GRIN2B: variants seen among roughly 807,000 people sequenced by gnomAD.
GRIN2B encodes glutamate receptor ionotropic, NMDA 2B.
Under a neutral mutation model 114.5 loss-of-function variants are expected in GRIN2B, and 5 were observed. That is an observed-to-expected ratio of 0.04 (90% CI 0.02 to 0.09). The LOEUF (loss-of-function observed/expected upper bound fraction) is 0.09, where lower values mean the gene tolerates loss of function less well. Among genes scored for constraint, GRIN2B ranks in the 10% least tolerant of loss-of-function variants. The pLI is 1.00. For missense variants in GRIN2B, 1,108 were observed against 1,943.5 expected (o/e 0.57, Z 8.08); for synonymous variants, 787 against 745.1 (o/e 1.06, Z -0.92).
intron 2 of GRIN2B, among the ~76,000 whole-genome samples, chr12:13,930,059 C>T (rs1019029845): frequency 6.6e-6 from 1 of 152,104 alleles, no homozygotes; most frequent in African/African-American, 2.4e-5. Flanking sequence ...TGGCACGCAC[C>T]TGCAGTCCCA....
At chr12:13,772,607 A>G (rs1349226993) in intron 3 of GRIN2B, among the ~76,000 whole-genome samples, 1 of 152,212 alleles carries the variant, frequency 6.6e-6, no homozygotes, top group Non-Finnish European at 1.5e-5. Context: ...AAATAATGCA[A>G]AGTAATTCCT....
At chr12:13,678,758 C>T (rs902368628) in intron 4 of GRIN2B, among the ~76,000 whole-genome samples, 1 of 152,056 alleles carries the variant, frequency 6.6e-6, no homozygotes. Context: ...AACACTCCAA[C>T]CAAAGGCCCT....
intron 3 of GRIN2B, among the ~76,000 whole-genome samples, chr12:13,755,934 T>A (rs1270219283): frequency 2.6e-5 from 4 of 152,212 alleles, no homozygotes; most frequent in Admixed American, 2.0e-4. Context: ...TCTCTATGAG[T>A]CAGGGCATGA....
At chr12:13,752,565 G>A (rs7964999) in intron 4 of GRIN2B, among the ~76,000 whole-genome samples, 3,168 of 152,086 alleles carry the variant, frequency 0.021, 94 homozygotes, top group African/African-American at 0.064. Context: ...ATAAAACCAC[G>A]AAAGTATAGT....
chr12:13,698,532 T>C (rs960089200), intron 4 of GRIN2B, among the ~76,000 whole-genome samples: 4 of 152,240 alleles, frequency 2.6e-5, no homozygotes, highest in African/African-American at 9.6e-5. Flanking sequence ...TACATCTTTG[T>C]GTGTGATAAA....
intron 3 of GRIN2B, among the ~76,000 whole-genome samples, chr12:13,758,963 T>C (rs949780376): frequency 8.6e-5 from 13 of 150,728 alleles, no homozygotes; most frequent in African/African-American, 2.9e-4. Context: ...GGTGGGAGAG[T>C]AACTGAAATG....
intron 2 of GRIN2B, among the ~76,000 whole-genome samples, chr12:13,963,164 T>C (rs1214762936): frequency 2.0e-5 from 3 of 152,192 alleles, no homozygotes; most frequent in African/African-American, 7.2e-5. Context: ...AATTTCCCTC[T>C]TTCCTTGCTC....
At chr12:13,680,438 GT>G (rs1950118884) in intron 4 of GRIN2B, among the ~76,000 whole-genome samples, 2 of 23,754 alleles carry the variant, frequency 8.4e-5, no homozygotes, top group Admixed American at 4.2e-4. Context: ...CATCAAGGTT[GT>G]GTGTGTGTGT....
chr12:13,632,467 C>T (rs576677975), intron 5 of GRIN2B, among the ~76,000 whole-genome samples: 36 of 152,228 alleles, frequency 2.4e-4, no homozygotes, highest in Admixed American at 4.6e-4. Context: ...GTAAAAGTTA[C>T]TTTCCAGGAA....
At chr12:13,944,877 A>G (rs1029070768) in intron 2 of GRIN2B, among the ~76,000 whole-genome samples, 1 of 152,180 alleles carries the variant, frequency 6.6e-6, no homozygotes, top group Non-Finnish European at 1.5e-5. Context: ...GGAAGTTCCC[A>G]GCTGAGAGGG....
At position 13,554,802 on chromosome 12, in the gene GRIN2B, T is replaced by C. The variant is rs73047408; in HGVS notation, c.*7981A>G. 9,082 of 152,226 alleles carry C rather than the reference T, an allele frequency of 0.06. 390 individuals carry two copies. Among genetic ancestry groups the C allele is most frequent in the East Asian group, 0.2 (1,052 of 5,166 alleles). 9.4% of individuals were successfully genotyped at this position (152,226 alleles called of 1,614,324 possible). A position where few individuals can be genotyped will look rare whatever the true frequency, so the allele number is the denominator to read the frequency against. On this transcript the variant is annotated 3_prime_UTR_variant, in exon 14 of 14. Coordinates refer to ENST00000609686, the MANE Select transcript of GRIN2B (RefSeq NM_000834.5). ...AGTAGGCTTTTCAAATTTTTAGATA[T>C]GCAGGATGAAGAAAATGGAGGAGGC...
chr12:13,787,327 T>G (rs1864238517), intron 3 of GRIN2B, among the ~76,000 whole-genome samples: 1 of 152,184 alleles, frequency 6.6e-6, no homozygotes, highest in Non-Finnish European at 1.5e-5. Context: ...TTTCATATAG[T>G]CTAGGAGACA....
intron 10 of GRIN2B, among the ~76,000 whole-genome samples, chr12:13,584,325 T>C (rs575165857): frequency 3.9e-5 from 6 of 152,352 alleles, no homozygotes; most frequent in African/African-American, 1.4e-4. Context: ...CCTTAGAATG[T>C]AATATAATGG....
chr12:13,830,382 T>A (rs1038035226), intron 3 of GRIN2B, among the ~76,000 whole-genome samples: 2 of 152,212 alleles, frequency 1.3e-5, no homozygotes. Context: ...TTTCAACACA[T>A]GACTTCTAGA....
chr12:13,711,154 C>T lies in GRIN2B; in HGVS notation c.1011-35295G>A, dbSNP rs556952686. Among the ~76,000 whole-genome samples, 10 of 152,112 alleles carry T rather than the reference C, an allele frequency of 6.6e-5. No homozygotes were observed. In the East Asian group the frequency reaches 1.7e-3, roughly 27 times the overall value. On this transcript the variant is annotated intron_variant, in intron 4 of 13. Transcript: ENST00000609686. ...ACGATTCCCTATTTAATAAATGGTG[C>T]TGGGAAAACTGGCTAGCCATATGTA...
At chr12:13,629,727 T>C (rs1949602049) in intron 5 of GRIN2B, among the ~76,000 whole-genome samples, 1 of 152,136 alleles carries the variant, frequency 6.6e-6, no homozygotes, top group South Asian at 2.1e-4. Context: ...GTTTCTTTTT[T>C]GGCTTATCTC....
intron 3 of GRIN2B, among the ~76,000 whole-genome samples, chr12:13,830,019 C>CT (rs1408443879): frequency 1.3e-5 from 2 of 152,152 alleles, no homozygotes; most frequent in African/African-American, 4.8e-5. Context: ...CTAATCCACT[C>CT]TTTAAAGCAC....
At chr12:13,627,068 T>C (rs955801848) in intron 5 of GRIN2B, among the ~76,000 whole-genome samples, 7 of 151,990 alleles carry the variant, frequency 4.6e-5, no homozygotes, top group Admixed American at 4.6e-4. Flanking sequence ...TAAGCTATAA[T>C]ATGTAAAATT....
intron 10 of GRIN2B, among the ~76,000 whole-genome samples, chr12:13,590,483 G>A (rs1007842021): frequency 6.6e-6 from 1 of 152,122 alleles, no homozygotes; most frequent in African/African-American, 2.4e-5. Context: ...ATGAGAACAC[G>A]TGGTGTTTGG....
Sources: gnomAD v4.1 joint callset for allele counts (sites outside exome capture counted in the v4.1 genomes callset) on GRCh38, gnomAD v4.1.1 for gene constraint, MANE v1.5 for transcripts, NCBI Gene and HGNC (gene_info 2026-07-23, HGNC 2026-07-21) for gene names.